Variants in KIAA1549L observed in about 807,000 individuals in gnomAD.
KIAA1549L encodes UPF0606 protein KIAA1549L.
In KIAA1549L, 88 loss-of-function variants were observed where a neutral mutation model predicts 160.7. That is an observed-to-expected ratio of 0.55 (90% CI 0.46 to 0.65). KIAA1549L has a LOEUF of 0.65. Ranked by LOEUF, KIAA1549L falls within the 30% of genes least tolerant of loss-of-function variation. The pLI, the probability that KIAA1549L is intolerant of heterozygous loss-of-function variation, is 0.00. For missense variants in KIAA1549L, 2,258 were observed against 2,437.5 expected, an observed-to-expected ratio of 0.93 and a Z score of 1.55; for synonymous variants, 950 against 976.7, an observed-to-expected ratio of 0.97 and a Z score of 0.51.
chr11:33,399,874 C>T (rs368739607), intron 1 of KIAA1549L, among the ~76,000 whole-genome samples: 78 of 152,164 alleles, frequency 5.1e-4, no homozygotes, highest in Admixed American at 4.3e-3. Flanking sequence ...TGTAGCACTC[C>T]GCTTCTCTTT....
At position 33,552,653 on chromosome 11, in the gene KIAA1549L, AACACACACACACAC is replaced by A. The variant is rs761358417; in HGVS notation, c.3855+450_3855+463del. ...AGTTGCCTTAGTTTAGACACATGCC[AACACACACACACAC>A]ACACACACACACACACACACACACA... On this transcript the variant is annotated intron_variant, in intron 6 of 20. Coordinates refer to ENST00000658780, the MANE Select transcript of KIAA1549L (RefSeq NM_012194.3). Among the ~76,000 whole-genome samples, 110 of 131,516 alleles carry A rather than the reference AACACACACACACAC, an allele frequency of 8.4e-4. 1 individual carries two copies. Among genetic ancestry groups the A allele is most frequent in the East Asian group, 6.0e-3 (28 of 4,634 alleles). The allele number at this position is 131,516 out of a possible 152,430, so 86.3% of individuals were successfully genotyped here.
intron 11 of KIAA1549L, among the ~76,000 whole-genome samples, chr11:33,588,110 T>A (rs897314501): frequency 1.3e-5 from 2 of 152,226 alleles, no homozygotes; most frequent in Admixed American, 1.3e-4. Context: ...GAACTCATGA[T>A]AATACCTACC....
intron 1 of KIAA1549L, among the ~76,000 whole-genome samples, chr11:33,377,801 C>CAATTAGATTTAAATTAGATT (rs1849987341): frequency 6.6e-6 from 1 of 152,174 alleles, no homozygotes; most frequent in Non-Finnish European, 1.5e-5. Context: ...CCCCCTCCCC[C>CAATTAGATTTAAATTAGATT]AAATTAGATT....
At chr11:33,560,472 C>G (rs1327953892) in intron 7 of KIAA1549L, among the ~76,000 whole-genome samples, 1 of 152,222 alleles carries the variant, frequency 6.6e-6, no homozygotes, top group African/African-American at 2.4e-5. Context: ...CTCCAGATAT[C>G]ATAATATAAC....
rs138010020 is a variant in KIAA1549L at position 33,565,604 on chromosome 11, A to G, written c.4079-2472A>G. ...CCCAGGTGCCCCCTAAGAAGGACAC[A>G]TTCTCTTTGCAAAGAGTGGTGACAA... On this transcript the variant is annotated intron_variant, in intron 8 of 20. Coordinates refer to ENST00000658780, the MANE Select transcript of KIAA1549L (RefSeq NM_012194.3). 4.7e-3 allele frequency among the ~76,000 whole-genome samples: 714 copies of G among 152,076 alleles called. 4 individuals are homozygous for G. The highest frequency in any genetic ancestry group is 0.016 in the African/African-American group (647 of 41,456).
At chr11:33,445,407 A>C (rs1309399031) in intron 1 of KIAA1549L, among the ~76,000 whole-genome samples, 1 of 152,220 alleles carries the variant, frequency 6.6e-6, no homozygotes, top group East Asian at 1.9e-4. Flanking sequence ...GAAGAAACAG[A>C]CAAGCTGGCT....
chr11:33,629,384 T>C (rs1851211225), intron 16 of KIAA1549L, among the ~76,000 whole-genome samples: 2 of 152,312 alleles, frequency 1.3e-5, no homozygotes, highest in African/African-American at 4.8e-5. Context: ...GCAGAGTGTT[T>C]TCCAACTTGG....
At position 33,655,997 on chromosome 11, in the gene KIAA1549L, T is replaced by C; in HGVS notation, c.5761-15T>C. ...GTGTTAACAACTCTCCCTGTATTGC[T>C]TGTCTCTTTCACAGGCTTACAGGTT... On this transcript the variant is annotated splice_polypyrimidine_tract_variant and intron_variant, in intron 17 of 20. Coordinates refer to ENST00000658780, the MANE Select transcript of KIAA1549L (RefSeq NM_012194.3). 1 of 1,598,794 alleles carries C rather than the reference T, an allele frequency of 6.3e-7. No homozygotes were observed. The highest frequency in any genetic ancestry group is 8.6e-7 in the Non-Finnish European group (1 of 1,166,338).
At chr11:33,435,595 G>T in intron 1 of KIAA1549L, among the ~76,000 whole-genome samples, 1 of 150,888 alleles carries the variant, frequency 6.6e-6, no homozygotes, top group South Asian at 2.1e-4. Context: ...CTATAAAAAA[G>T]ATCATAGGAC....
chr11:33,655,873 A>G, intron 17 of KIAA1549L, 139 bp from the exon 18 acceptor site: 1 of 645,122 alleles, frequency 1.6e-6, no homozygotes, highest in Non-Finnish European at 2.8e-6. Flanking sequence ...CATGTGAGGG[A>G]AGATCTTAGA....
chr11:33,546,432 C>T (rs1341012780), intron 3 of KIAA1549L, among the ~76,000 whole-genome samples: 1 of 152,166 alleles, frequency 6.6e-6, no homozygotes, highest in Non-Finnish European at 1.5e-5. Flanking sequence ...TCCCAGCCCC[C>T]CCACCAACCC....
chr11:33,445,713 C>T (rs1284332580), intron 1 of KIAA1549L, among the ~76,000 whole-genome samples: 1 of 152,210 alleles, frequency 6.6e-6, no homozygotes, highest in African/African-American at 2.4e-5. Flanking sequence ...CTTCAGTTCC[C>T]TCATTGTCAG....
intron 1 of KIAA1549L, among the ~76,000 whole-genome samples, chr11:33,535,007 C>T (rs1031877359): frequency 6.6e-6 from 1 of 152,194 alleles, no homozygotes; most frequent in Non-Finnish European, 1.5e-5. Context: ...AGGCTGGACA[C>T]AGCTTATCTG....
In KIAA1549L at chr11:33,660,936, G is replaced by A. The variant is rs374878078; in HGVS notation, c.6081G>A (p.Thr2027=). ...GCTTCACCGGCTACTTCATCCCAAC[G>A]CCTCCCTCATCCTATAGGAACCAGG... ...RPGFTGYFIP[T]PPSSYRNQAW... is the part of the protein sequence containing the mutation. The change falls in exon 20 of 21, where the codon ACG becomes ACA. Residue 2027 remains threonine (T), a synonymous_variant. Coordinates refer to ENST00000658780, the MANE Select transcript of KIAA1549L (RefSeq NM_012194.3). The A allele has an allele frequency of 1.2e-4, 189 of 1,613,270 alleles. No individual in the cohort carries two copies. Among genetic ancestry groups the A allele is most frequent in the Non-Finnish European group, 1.5e-4 (174 of 1,179,684 alleles).
intron 1 of KIAA1549L, among the ~76,000 whole-genome samples, chr11:33,485,457 GTATC>G (rs1852502505): frequency 6.6e-6 from 1 of 151,974 alleles, no homozygotes; most frequent in Admixed American, 6.6e-5. Flanking sequence ...CATGACAAAA[GTATC>G]TATTTGTTTT....
At chr11:33,593,379 C>T (rs923595077) in intron 12 of KIAA1549L, among the ~76,000 whole-genome samples, 2 of 152,178 alleles carry the variant, frequency 1.3e-5, no homozygotes, top group African/African-American at 2.4e-5. Context: ...TTCAAGGCTG[C>T]AGGGAGCTGT....
At chr11:33,652,280 AG>A (rs1261682546) in intron 17 of KIAA1549L, among the ~76,000 whole-genome samples, 1 of 152,104 alleles carries the variant, frequency 6.6e-6, no homozygotes, top group African/African-American at 2.4e-5. Flanking sequence ...ACTTAGAACC[AG>A]GGGGAACATG....
At position 33,559,874 on chromosome 11, in the gene KIAA1549L, A is replaced by T. The variant is rs1457793031; in HGVS notation, c.3981A>T (p.Gly1327=). 1 of 1,613,978 alleles carries T rather than the reference A, an allele frequency of 6.2e-7. No homozygotes were observed. The highest frequency in any genetic ancestry group is 8.5e-7 in the Non-Finnish European group (1 of 1,179,876). The change falls in exon 7 of 21, where the codon GGA becomes GGT. Residue 1327 remains glycine (G), a synonymous_variant. Transcript: ENST00000658780. The part of the protein sequence containing the change: ...LLSQLSAELV[G]FYLTYPPLTI... ...GCCAGCTCTCGGCTGAGCTGGTGGGATTCTACCTCACCTATCCGCCGCTAA... is the reference window on the plus strand; with the variant it reads ...GCCAGCTCTCGGCTGAGCTGGTGGGTTTCTACCTCACCTATCCGCCGCTAA...
chr11:33,604,906 C>A lies in KIAA1549L; in HGVS notation c.4880-1735C>A, dbSNP rs571077246. 1.8e-4 allele frequency among the ~76,000 whole-genome samples: 28 copies of A among 152,178 alleles called. No individual in the cohort carries two copies. The South Asian group carries it at 5.4e-3, about 29-fold the overall frequency. ...TCTCAGAATTTACCACTATAGAATT[C>A]GTCTGTGTAACCAAAAATCGCTTGA... On this transcript the variant is annotated intron_variant, in intron 13 of 20. Transcript: ENST00000658780.
Sources: allele counts gnomAD v4.1 joint callset (sites outside exome capture counted in the v4.1 genomes callset), GRCh38; gene constraint gnomAD v4.1.1; transcripts MANE v1.5; gene names NCBI Gene and HGNC (gene_info 2026-07-23, HGNC 2026-07-21).